The following DCUN1D3 variants were observed in gnomAD, a reference collection of about 807,000 sequenced individuals.
The protein encoded by DCUN1D3 is DCN1-like protein 3.
A neutral mutation model predicts 24.8 loss-of-function variants in DCUN1D3; 6 were observed. That is an observed-to-expected ratio of 0.24 (90% CI 0.13 to 0.48). DCUN1D3 has a LOEUF of 0.48. Ranked by LOEUF, DCUN1D3 falls within the 20% of genes least tolerant of loss-of-function variation. The pLI, the probability that DCUN1D3 is intolerant of heterozygous loss-of-function variation, is 0.99. For missense variants in DCUN1D3, 258 were observed against 379.4 expected (o/e 0.68, Z 2.66); for synonymous variants, 120 against 144.9 (o/e 0.83, Z 1.24).
intron 1 of DCUN1D3, among the ~76,000 whole-genome samples, chr16:20,876,399 C>T (rs1488118499): frequency 1.4e-5 from 2 of 147,998 alleles, no homozygotes; most frequent in Admixed American, 6.8e-5. Context: ...AAAGCCACAA[C>T]GAAATATTAT....
Position 20,862,126 on chromosome 16 carries a change from G to T in DCUN1D3, c.413C>A (p.Thr138Asn), listed in dbSNP as rs771728742. The change falls in exon 2 of 3, where the codon ACC becomes AAC. Residue 138 changes from threonine (T) to asparagine (N), a missense_variant. Thr to Asn is a moderately conservative substitution (Grantham distance 65). Transcript: ENST00000324344. ...GACTAACCTGGTGAATTTGCACATG[G>T]TTGCAGCCTGGAACTTCCAAGCCAA... ...LLLAWKFQAA[T>N]MCKFTRKEFF... 6.2e-7 allele frequency: 1 copy of T among 1,614,146 alleles called. No homozygotes were observed. Among genetic ancestry groups the T allele is most frequent in the Non-Finnish European group, 8.5e-7 (1 of 1,180,006 alleles).
chr16:20,895,165 G>A (rs752343387), intron 1 of DCUN1D3, among the ~76,000 whole-genome samples: 2 of 152,100 alleles, frequency 1.3e-5, no homozygotes, highest in African/African-American at 4.8e-5. Flanking sequence ...GCTCCATCAC[G>A]GCTACTACAG....
chr16:20,893,286 C>T (rs1386885286), intron 1 of DCUN1D3, among the ~76,000 whole-genome samples: 1 of 151,976 alleles, frequency 6.6e-6, no homozygotes, highest in Non-Finnish European at 1.5e-5. Context: ...GATCCTGCTG[C>T]CTCAGCCTCC....
intron 1 of DCUN1D3, among the ~76,000 whole-genome samples, chr16:20,883,925 A>AT (rs1190041604): frequency 6.6e-6 from 1 of 152,144 alleles, no homozygotes; most frequent in African/African-American, 2.4e-5. Flanking sequence ...AAACATTTTT[A>AT]TTTTTTTACT....
At chr16:20,864,790 C>A (rs2081752717) in intron 1 of DCUN1D3, among the ~76,000 whole-genome samples, 1 of 150,628 alleles carries the variant, frequency 6.6e-6, no homozygotes, top group South Asian at 2.1e-4. Flanking sequence ...TCCATATACA[C>A]CACGGAACGC....
chr16:20,897,235 C>T (rs1024030220), intron 1 of DCUN1D3, among the ~76,000 whole-genome samples: 3 of 152,228 alleles, frequency 2.0e-5, no homozygotes, highest in Non-Finnish European at 4.4e-5. Flanking sequence ...CCCAGTGTGA[C>T]ATGGCTCAAG....
intron 1 of DCUN1D3, among the ~76,000 whole-genome samples, chr16:20,873,266 C>T (rs1362513180): frequency 2.0e-5 from 3 of 152,094 alleles, no homozygotes; most frequent in Non-Finnish European, 4.4e-5. Context: ...TCTAAATTTC[C>T]TCAATTTATT....
chr16:20,872,148 C>G (rs2081791550), intron 1 of DCUN1D3, among the ~76,000 whole-genome samples: 1 of 152,210 alleles, frequency 6.6e-6, no homozygotes, highest in South Asian at 2.1e-4. Flanking sequence ...GATTAGTCCT[C>G]AAAACACCCA....
At chr16:20,887,013 T>C (rs1437351047) in intron 1 of DCUN1D3, among the ~76,000 whole-genome samples, 1 of 152,186 alleles carries the variant, frequency 6.6e-6, no homozygotes, top group South Asian at 2.1e-4. Context: ...TTCATACACA[T>C]TAAAAAACAG....
At chr16:20,892,336 G>A (rs921671368) in intron 1 of DCUN1D3, among the ~76,000 whole-genome samples, 1 of 152,064 alleles carries the variant, frequency 6.6e-6, no homozygotes, top group African/African-American at 2.4e-5. Flanking sequence ...CACAACTGGG[G>A]AAAAACACCT....
chr16:20,863,265 TC>T (rs2081742989), intron 1 of DCUN1D3, among the ~76,000 whole-genome samples: 1 of 152,194 alleles, frequency 6.6e-6, no homozygotes, highest in Non-Finnish European at 1.5e-5. Flanking sequence ...CCCTACTCCA[TC>T]CACCTATAGA....
chr16:20,895,952 C>T (rs1180111835), intron 1 of DCUN1D3, among the ~76,000 whole-genome samples: 2 of 152,224 alleles, frequency 1.3e-5, no homozygotes, highest in African/African-American at 4.8e-5. Context: ...TACTTCAGCA[C>T]ATAGACAGTC....
intron 1 of DCUN1D3, among the ~76,000 whole-genome samples, chr16:20,872,692 A>G (rs531555403): frequency 6.6e-6 from 1 of 152,196 alleles, no homozygotes; most frequent in South Asian, 2.1e-4. Flanking sequence ...AAAGTATTAC[A>G]TAATTATTTT....
At chr16:20,884,315 C>T (rs1045396891) in intron 1 of DCUN1D3, among the ~76,000 whole-genome samples, 1 of 152,276 alleles carries the variant, frequency 6.6e-6, no homozygotes, top group East Asian at 1.9e-4. Flanking sequence ...GATCCAATGG[C>T]AATTTCCCAA....
chr16:20,875,210 G>GCACGCGCA (rs1555497073), intron 1 of DCUN1D3, among the ~76,000 whole-genome samples: 9 of 140,344 alleles, frequency 6.4e-5, no homozygotes, highest in African/African-American at 2.1e-4. Flanking sequence ...GTGCGCTCAT[G>GCACGCGCA]CACACACACA....
At chr16:20,890,122 T>C (rs1024581740) in intron 1 of DCUN1D3, among the ~76,000 whole-genome samples, 2 of 152,204 alleles carry the variant, frequency 1.3e-5, no homozygotes, top group African/African-American at 4.8e-5. Context: ...GTTCCTGAGT[T>C]ATAAATAAAT....
Position 20,859,680 on chromosome 16 carries a change from C to CA in DCUN1D3, c.*205dup. Reference sequence around the variant, plus strand: ...GTTCAAATATTCTGGGAGATCCCCCCAAAAAGGAAATAACCAAAATAACCA... The same window carrying CA: ...GTTCAAATATTCTGGGAGATCCCCCCAAAAAAGGAAATAACCAAAATAACCA... On this transcript the variant is annotated 3_prime_UTR_variant, in exon 3 of 3. Coordinates refer to ENST00000324344, the MANE Select transcript of DCUN1D3 (RefSeq NM_173475.4). 1.7e-6 allele frequency: 1 copy of CA among 591,512 alleles called. No homozygotes were observed. The highest frequency in any genetic ancestry group is 4.1e-5 in the South Asian group (1 of 24,626). 36.6% of individuals were successfully genotyped at this position (591,512 alleles called of 1,614,324 possible). A position where few individuals can be genotyped will look rare whatever the true frequency, so the allele number is the denominator to read the frequency against.
chr16:20,885,561 A>C (rs965982732), intron 1 of DCUN1D3, among the ~76,000 whole-genome samples: 3 of 152,208 alleles, frequency 2.0e-5, no homozygotes, highest in East Asian at 3.9e-4. Context: ...AAAAAAAAAA[A>C]ACATAAACTA....
In DCUN1D3 at chr16:20,862,656, T is replaced by C; in HGVS notation, c.-105-13A>G. 2.0e-6 allele frequency: 3 copies of C among 1,514,002 alleles called. No homozygotes were observed. Among genetic ancestry groups the C allele is most frequent in the East Asian group, 2.3e-5 (1 of 44,338 alleles). The allele number at this position is 1,514,002 out of a possible 1,614,324, so 93.8% of individuals were successfully genotyped here. On this transcript the variant is annotated splice_polypyrimidine_tract_variant and intron_variant, in intron 1 of 2. Coordinates refer to ENST00000324344, the MANE Select transcript of DCUN1D3 (RefSeq NM_173475.4). ...GGAGCCAGCCAACCTGGAAGGAAAT[T>C]AGAAAGCCATCACCTCTGGGTGGGG...
Sources: allele counts gnomAD v4.1 joint callset (sites outside exome capture counted in the v4.1 genomes callset), GRCh38; gene constraint gnomAD v4.1.1; transcripts MANE v1.5; gene names NCBI Gene and HGNC (gene_info 2026-07-23, HGNC 2026-07-21).